ASIC2: variants seen among roughly 807,000 people sequenced by gnomAD.
The protein encoded by ASIC2 is acid-sensing ion channel 2.
ASIC2 carries 25 observed loss-of-function variants against 57.3 expected under a neutral mutation model. That is an observed-to-expected ratio of 0.44 (90% CI 0.32 to 0.61). The LOEUF is 0.61. ASIC2 is among the 20% of genes least tolerant of loss of function. The pLI is 0.06. For missense variants in ASIC2, 641 were observed against 738.1 expected, an observed-to-expected ratio of 0.87 and a Z score of 1.52; for synonymous variants, 319 against 307.5, an observed-to-expected ratio of 1.04 and a Z score of -0.39.
intron 3 of ASIC2, among the ~76,000 whole-genome samples, chr17:33,060,210 G>C (rs910421127): frequency 2.6e-5 from 4 of 152,104 alleles, no homozygotes; most frequent in Admixed American, 6.5e-5. Context: ...CATTGCTTTT[G>C]GTGTTTTAGA....
intron 1 of ASIC2, among the ~76,000 whole-genome samples, chr17:33,803,793 A>G (rs1912198424): frequency 6.6e-6 from 1 of 152,020 alleles, no homozygotes; most frequent in African/African-American, 2.4e-5. Context: ...AAACTCCAGA[A>G]GTACATTCTC....
intron 3 of ASIC2, among the ~76,000 whole-genome samples, chr17:33,056,456 C>G (rs1312700577): frequency 6.6e-6 from 1 of 152,136 alleles, no homozygotes; most frequent in Non-Finnish European, 1.5e-5. Flanking sequence ...CCACCCCCCT[C>G]CCTGGCCCAG....
rs144015531 is a variant in ASIC2, at chr17:33,408,623, C to G, written c.556-296556G>C. Among the ~76,000 whole-genome samples, 704 of 152,362 alleles carry G rather than the reference C, an allele frequency of 4.6e-3. 5 individuals carry two copies. The highest frequency in any genetic ancestry group is 0.016 in the African/African-American group (652 of 41,586). ...CAATAACTATCCTCCCTTTTCTCCC[C>G]TTTCTCCACTGAGTAATAACGCCTT... On this transcript the variant is annotated intron_variant, in intron 1 of 9. Transcript: ENST00000359872.
At chr17:33,301,964 A>G (rs1374723081) in intron 1 of ASIC2, among the ~76,000 whole-genome samples, 1 of 152,018 alleles carries the variant, frequency 6.6e-6, no homozygotes, top group African/African-American at 2.4e-5. Context: ...AGATGTCCAG[A>G]CCCTCTTCTT....
chr17:33,611,495 A>T (rs907630721), intron 1 of ASIC2, among the ~76,000 whole-genome samples: 5 of 152,200 alleles, frequency 3.3e-5, no homozygotes, highest in African/African-American at 1.2e-4. Flanking sequence ...GGCTTCCAAC[A>T]GTAATTATTT....
At chr17:33,189,955 TACGA>T (rs1373870526) in intron 1 of ASIC2, among the ~76,000 whole-genome samples, 4 of 152,148 alleles carry the variant, frequency 2.6e-5, no homozygotes, top group Non-Finnish European at 4.4e-5. Flanking sequence ...GATCTTCCCC[TACGA>T]TCAAGGCAAG....
At chr17:33,719,430 G>A (rs985749518) in intron 1 of ASIC2, among the ~76,000 whole-genome samples, 2 of 152,164 alleles carry the variant, frequency 1.3e-5, no homozygotes, top group Non-Finnish European at 2.9e-5. Flanking sequence ...TGCTGCTAGC[G>A]CACAGAGCTA....
Position 33,949,747 on chromosome 17 carries a change from C to A in ASIC2, c.555+206231G>T, listed in dbSNP as rs78025691. On this transcript the variant is annotated intron_variant, in intron 1 of 9. Transcript: ENST00000359872. ...TATAAATGTGGGATCGTGTTTGGTACCAATCTTATCAAACGGTTGTACAAA... is the reference window on the plus strand; with the variant it reads ...TATAAATGTGGGATCGTGTTTGGTAACAATCTTATCAAACGGTTGTACAAA... Among the ~76,000 whole-genome samples, 1,123 of 152,210 alleles carry A rather than the reference C, an allele frequency of 7.4e-3. 21 individuals carry two copies. Among genetic ancestry groups the A allele is most frequent in the African/African-American group, 0.026 (1,068 of 41,518 alleles).
At chr17:33,814,791 A>G (rs1328844814) in intron 1 of ASIC2, among the ~76,000 whole-genome samples, 3 of 151,360 alleles carry the variant, frequency 2.0e-5, no homozygotes, top group Admixed American at 6.6e-5. Context: ...ATGCAGGTCC[A>G]TAAACAGACA....
At chr17:33,964,061 T>C (rs1006698109) in intron 1 of ASIC2, among the ~76,000 whole-genome samples, 2 of 152,212 alleles carry the variant, frequency 1.3e-5, no homozygotes, top group African/African-American at 2.4e-5. Context: ...CAACTCCCCA[T>C]TGCTGTGCTC....
chr17:33,202,017 C>CAAAAAAAAA (rs55724157), intron 1 of ASIC2, among the ~76,000 whole-genome samples: 3 of 92,286 alleles, frequency 3.3e-5, no homozygotes, highest in Non-Finnish European at 4.5e-5. Flanking sequence ...GAGACTGTCT[C>CAAAAAAAAA]AAAAAAAAAA....
rs1197140084 is a variant in ASIC2 at position 33,491,494 on chromosome 17, C to T, written c.556-379427G>A. Among the ~76,000 whole-genome samples, 6 of 152,194 alleles carry T rather than the reference C, an allele frequency of 3.9e-5. No homozygotes were observed. The East Asian group carries it at 9.6e-4, about 24-fold the overall frequency. ...ATAGACTATTTCTATGGGAGAGCGGCTAATAAAATAGGAAAAACTCTAAAA... is the reference window on the plus strand; with the variant it reads ...ATAGACTATTTCTATGGGAGAGCGGTTAATAAAATAGGAAAAACTCTAAAA... On this transcript the variant is annotated intron_variant, in intron 1 of 9. Transcript: ENST00000359872.
intron 3 of ASIC2, among the ~76,000 whole-genome samples, chr17:33,078,977 G>C (rs905553622): frequency 6.6e-6 from 1 of 152,192 alleles, no homozygotes; most frequent in African/African-American, 2.4e-5. Context: ...AGGGCAGTGA[G>C]ATATAATCAC....
intron 1 of ASIC2, among the ~76,000 whole-genome samples, chr17:34,021,136 C>T (rs1034462501): frequency 2.0e-5 from 3 of 152,074 alleles, no homozygotes; most frequent in South Asian, 2.1e-4. Flanking sequence ...ACATTGGGTA[C>T]TGTGTACACT....
chr17:34,113,097 G>A (rs1911324617), intron 1 of ASIC2, among the ~76,000 whole-genome samples: 1 of 152,148 alleles, frequency 6.6e-6, no homozygotes, highest in African/African-American at 2.4e-5. Flanking sequence ...CTTCATCTGG[G>A]CTCTGTGCAA....
intron 1 of ASIC2, among the ~76,000 whole-genome samples, chr17:33,771,015 T>C (rs1343685827): frequency 9.2e-5 from 14 of 152,160 alleles, no homozygotes; most frequent in Admixed American, 9.2e-4. Flanking sequence ...CAGTGGGGAT[T>C]GGGGGACTGA....
At chr17:33,424,975 A>C (rs1369409328) in intron 1 of ASIC2, among the ~76,000 whole-genome samples, 2 of 152,236 alleles carry the variant, frequency 1.3e-5, no homozygotes, top group African/African-American at 4.8e-5. Flanking sequence ...CTAAATGAGG[A>C]ATAGGGAGAG....
intron 1 of ASIC2, among the ~76,000 whole-genome samples, chr17:34,128,625 C>A (rs73282437): frequency 0.021 from 3,207 of 152,282 alleles, 110 homozygotes; most frequent in African/African-American, 0.073. Context: ...GGGAGTAGTT[C>A]TAGCACTAGA....
At chr17:34,041,565 T>C (rs9303671) in intron 1 of ASIC2, 144,132 of 152,304 alleles carry the variant, frequency 0.95, 68,268 homozygotes, top group East Asian at 1. Flanking sequence ...CTCACTTCCC[T>C]AGCTGTCACT....
Sources: gnomAD v4.1 joint callset for allele counts (sites outside exome capture counted in the v4.1 genomes callset) on GRCh38, gnomAD v4.1.1 for gene constraint, MANE v1.5 for transcripts, NCBI Gene and HGNC (gene_info 2026-07-23, HGNC 2026-07-21) for gene names.